Variants in DIP2A observed in about 807,000 individuals in gnomAD.
The protein encoded by DIP2A is DIP2 acetate--CoA ligase A.
In DIP2A, 85 loss-of-function variants were observed where a neutral mutation model predicts 177.4. That is an observed-to-expected ratio of 0.48 (90% confidence interval 0.40 to 0.57). The LOEUF is 0.57. DIP2A is among the 20% of genes least tolerant of loss of function. The pLI is 0.00. For synonymous variants in DIP2A, 886 were observed against 881.8 expected, an observed-to-expected ratio of 1.00 and a Z score of -0.08; for missense variants, 1,791 against 2,100.2, an observed-to-expected ratio of 0.85 and a Z score of 2.88.
chr21:46,498,776 A>G lies in DIP2A; in HGVS notation c.598A>G (p.Thr200Ala). The G allele has an allele frequency of 6.2e-7, 1 of 1,613,290 alleles. No homozygotes were observed. The highest frequency in any genetic ancestry group is 1.1e-5 in the South Asian group (1 of 91,056). The change falls in exon 5 of 38, where the codon ACG becomes GCG. Residue 200 changes from threonine to alanine, a missense_variant. Coordinates refer to ENST00000417564, the MANE Select transcript of DIP2A (RefSeq NM_015151.4). This position sits in a 1 kb window ranked among gnomAD's most constrained non-coding sequence, Gnocchi z 4.3. Reference protein sequence around the residue: ...RPTTAPSAAATPGAAATTALA... With the variant: ...RPTTAPSAAAAPGAAATTALA... The stretch of plus-strand genomic sequence containing the variant: ...CACCACTGCTCCCAGTGCTGCAGCC[A>G]CGCCGGGGGCCGCCGCTACCACTGC...
intron 1 of DIP2A, among the ~76,000 whole-genome samples, chr21:46,480,203 A>G (rs2056242151): frequency 6.6e-6 from 1 of 152,132 alleles, no homozygotes; most frequent in Non-Finnish European, 1.5e-5. Context: ...ACAGTTCCAC[A>G]TGGCTGGGGA....
chr21:46,556,725 GA>G lies in DIP2A; in HGVS notation c.3499-211del, dbSNP rs1245227666. ...AAAAATTTTAAAAATTCATTACCCT[GA>G]AATTTTGTTTCAAAGATTTTTAGTG... On this transcript the variant is annotated intron_variant, in intron 29 of 37. Coordinates refer to ENST00000417564, the MANE Select transcript of DIP2A (RefSeq NM_015151.4). The surrounding 1 kb of genome is among the most constrained non-coding windows in gnomAD (Gnocchi z 4.5). The G allele has an allele frequency of 1.9e-6, 1 of 526,954 alleles. No individual in the cohort carries two copies. Among genetic ancestry groups the G allele is most frequent in the Non-Finnish European group, 3.3e-6 (1 of 306,490 alleles). 32.6% of individuals were successfully genotyped at this position (526,954 alleles called of 1,614,324 possible).
intron 1 of DIP2A, among the ~76,000 whole-genome samples, chr21:46,476,827 T>C (rs1317010463): frequency 6.6e-6 from 1 of 152,048 alleles, no homozygotes; most frequent in African/African-American, 2.4e-5. Context: ...GGTTAATTTC[T>C]GTATTTTTTA....
chr21:46,488,582 TATTAA>T (rs1642095115), intron 2 of DIP2A, among the ~76,000 whole-genome samples: 2 of 152,260 alleles, frequency 1.3e-5, no homozygotes, highest in African/African-American at 4.8e-5. Flanking sequence ...GGGCAATAAA[TATTAA>T]ATTATGTTCA....
In DIP2A at chr21:46,567,784, G is replaced by A. The variant is rs1248101155; in HGVS notation, c.*162G>A. 5.1e-6 allele frequency: 4 copies of A among 785,850 alleles called. No homozygotes were observed. The Admixed American group carries it at 1.1e-4, about 21-fold the overall frequency. The allele number at this position is 785,850 out of a possible 1,614,324, so 48.7% of individuals were successfully genotyped here. On this transcript the variant is annotated 3_prime_UTR_variant, in exon 38 of 38. Transcript: ENST00000417564. Reference sequence around the variant, plus strand: ...CATCTCCTTTTAGAAAGCACTTCCTGAATTATTTAAAGAAATATTTTGAAT... The same window carrying A: ...CATCTCCTTTTAGAAAGCACTTCCTAAATTATTTAAAGAAATATTTTGAAT...
At chr21:46,459,274 C>G in intron 1 of DIP2A, 52 bp downstream of exon 1, 1 of 1,438,880 alleles carries the variant, frequency 6.9e-7, no homozygotes, top group Non-Finnish European at 9.2e-7. Flanking sequence ...GCCCGGTCCC[C>G]CGCGCAGCCC....
intron 5 of DIP2A, among the ~76,000 whole-genome samples, chr21:46,500,676 A>G (rs922133863): frequency 6.6e-6 from 1 of 152,250 alleles, no homozygotes; most frequent in African/African-American, 2.4e-5. Context: ...TTAGAAATAA[A>G]AGCTTATTCA....
In DIP2A at chr21:46,498,834, G is replaced by T; in HGVS notation, c.655+1G>T. On this transcript the variant is annotated splice_donor_variant, in intron 5 of 37. Coordinates refer to ENST00000417564, the MANE Select transcript of DIP2A (RefSeq NM_015151.4). LOFTEE classifies it high-confidence loss of function. This position sits in a 1 kb window ranked among gnomAD's most constrained non-coding sequence, Gnocchi z 4.3. ...GGCCTCGAGGCCCACACCCACATAG[G>T]TCAGTAATAAGCTGCTGCGGCCCCT... 6.2e-7 allele frequency: 1 copy of T among 1,611,930 alleles called. No individual in the cohort carries two copies. The highest frequency in any genetic ancestry group is 8.5e-7 in the Non-Finnish European group (1 of 1,178,766).
At chr21:46,541,917 G>A (rs1404653866) in intron 18 of DIP2A, 22 bp downstream of exon 18, 3 of 1,613,776 alleles carry the variant, frequency 1.9e-6, no homozygotes, top group Admixed American at 1.7e-5. Context: ...AACCAGAGTG[G>A]GTCTTTGTCC....
intron 1 of DIP2A, among the ~76,000 whole-genome samples, chr21:46,480,372 A>G (rs2056259447): frequency 6.6e-6 from 1 of 152,160 alleles, no homozygotes; most frequent in African/African-American, 2.4e-5. Flanking sequence ...TGCCCCCGTG[A>G]TTCAGTTACC....
In DIP2A at chr21:46,556,905, A is replaced by G; in HGVS notation, c.3499-34A>G. On this transcript the variant is annotated intron_variant, in intron 29 of 37. Coordinates refer to ENST00000417564, the MANE Select transcript of DIP2A (RefSeq NM_015151.4). The surrounding 1 kb of genome is among the most constrained non-coding windows in gnomAD (Gnocchi z 4.5). Reference sequence around the variant, plus strand: ...CCTCTCCCCTCCTGAATTTCATTTCACTTTTTTTTTTTGAACTTTATTTTA... The same window carrying G: ...CCTCTCCCCTCCTGAATTTCATTTCGCTTTTTTTTTTTGAACTTTATTTTA... 4.7e-6 allele frequency: 7 copies of G among 1,501,660 alleles called. No individual in the cohort carries two copies. Among genetic ancestry groups the G allele is most frequent in the East Asian group, 2.5e-5 (1 of 40,578 alleles). 93.0% of individuals were successfully genotyped at this position (1,501,660 alleles called of 1,614,324 possible).
chr21:46,515,139 G>A (rs1440541340), intron 8 of DIP2A, among the ~76,000 whole-genome samples: 1 of 152,228 alleles, frequency 6.6e-6, no homozygotes, highest in Non-Finnish European at 1.5e-5. Context: ...TGATGAGTAT[G>A]CCTAGCTCAC....
intron 23 of DIP2A, 115 bp from the exon 24 acceptor site, chr21:46,551,519 A>G (rs1294999315): frequency 6.0e-6 from 5 of 839,560 alleles, no homozygotes; most frequent in African/African-American, 1.7e-5. Flanking sequence ...ATCTCAGTAG[A>G]AGAGTTAAAT....
intron 35 of DIP2A, among the ~76,000 whole-genome samples, chr21:46,564,273 G>A (rs1474236739): frequency 6.6e-6 from 1 of 152,212 alleles, no homozygotes; most frequent in Non-Finnish European, 1.5e-5. Context: ...CGTGGTCCCT[G>A]GCACCCAGGC....
intron 1 of DIP2A, among the ~76,000 whole-genome samples, chr21:46,464,146 C>A (rs551348242): frequency 1.8e-3 from 271 of 152,026 alleles, no homozygotes; most frequent in African/African-American, 6.2e-3. Flanking sequence ...GTAATCCCAG[C>A]ACTTTGGGAG....
chr21:46,523,644 T>G (rs922208573), intron 8 of DIP2A, among the ~76,000 whole-genome samples: 1 of 132,550 alleles, frequency 7.5e-6, no homozygotes, highest in South Asian at 2.2e-4. Context: ...ACAATAAACT[T>G]TAGCCAATAA....
intron 5 of DIP2A, among the ~76,000 whole-genome samples, chr21:46,501,607 A>G (rs554428835): frequency 6.6e-6 from 1 of 152,236 alleles, no homozygotes; most frequent in Non-Finnish European, 1.5e-5. Context: ...TTTTTTGGAA[A>G]GATGGAGTTT....
intron 3 of DIP2A, among the ~76,000 whole-genome samples, chr21:46,495,850 G>C (rs889310735): frequency 6.6e-6 from 1 of 151,928 alleles, no homozygotes; most frequent in Non-Finnish European, 1.5e-5. Flanking sequence ...AAGGCGGGCG[G>C]ATCACCATGT....
intron 26 of DIP2A, 128 bp from the exon 27 acceptor site, chr21:46,554,447 G>C: frequency 1.3e-6 from 2 of 1,541,454 alleles, no homozygotes; most frequent in Non-Finnish European, 1.8e-6. Flanking sequence ...AGCTACCCCT[G>C]TGGAAACCCA....
Sources: gnomAD v4.1 joint callset for allele counts (sites outside exome capture counted in the v4.1 genomes callset) on GRCh38, gnomAD v4.1.1 for gene constraint, Gnocchi (gnomAD v3.1) non-coding constraint, MANE v1.5 for transcripts, NCBI Gene and HGNC (gene_info 2026-07-23, HGNC 2026-07-21) for gene names.